The following TRPC5 variants were observed in gnomAD, a reference collection of about 807,000 sequenced individuals.
The protein encoded by TRPC5 is short transient receptor potential channel 5.
Under a neutral mutation model 56.5 loss-of-function variants are expected in TRPC5, and 9 were observed. The ratio of observed to expected loss-of-function variants is 0.16; its 90% CI spans 0.10 to 0.28. The LOEUF is 0.28. Among genes scored for constraint, TRPC5 ranks in the 10% least tolerant of loss-of-function variants. The probability of loss-of-function intolerance (pLI) is 1.00; values close to 1 mark genes in which losing one functional copy is unlikely to be tolerated. For synonymous variants in TRPC5, 282 were observed against 278.5 expected, an observed-to-expected ratio of 1.01 and a Z score of -0.13; for missense variants, 469 against 748.9, an observed-to-expected ratio of 0.63 and a Z score of 4.36.
At chrX:111,781,050 G>T in intron 9 of TRPC5, 115 bp downstream of exon 9, 1 of 734,613 alleles carries the variant, frequency 1.4e-6, no homozygotes. Flanking sequence ...GCCTTTCCAA[G>T]CCTCCTATCC....
intron 2 of TRPC5, among the ~76,000 whole-genome samples, chrX:111,930,105 C>T (rs1290387127): frequency 9.0e-6 from 1 of 111,146 alleles, no homozygotes; most frequent in Non-Finnish European, 1.9e-5. Flanking sequence ...TCATCAAACA[C>T]TACTCAACAC....
chrX:111,856,538 AAATAATAATAATAAT>A (rs750089190), intron 3 of TRPC5, among the ~76,000 whole-genome samples: 6 of 95,175 alleles, frequency 6.3e-5, no homozygotes, highest in Non-Finnish European at 1.2e-4. Flanking sequence ...GCCCTGTCTC[AAATAATAATAATAAT>A]AATAATAATA....
At chrX:112,071,863 A>C in intron 1 of TRPC5, among the ~76,000 whole-genome samples, 1 of 111,690 alleles carries the variant, frequency 9.0e-6, no homozygotes, top group Middle Eastern at 4.6e-3. Context: ...TGAATTGTCA[A>C]ATCCAATGGC....
intron 1 of TRPC5, among the ~76,000 whole-genome samples, chrX:112,017,288 C>T (rs757801735): frequency 8.9e-4 from 99 of 111,447 alleles, no homozygotes; most frequent in African/African-American, 3.1e-3. Flanking sequence ...GCTGGGATTA[C>T]AGGTGTGAGC....
At chrX:111,900,650 T>C (rs1925298745) in intron 3 of TRPC5, among the ~76,000 whole-genome samples, 1 of 111,449 alleles carries the variant, frequency 9.0e-6, no homozygotes, top group Non-Finnish European at 1.9e-5. Flanking sequence ...CCCTTTTCAG[T>C]TCAATTTAAG....
intron 6 of TRPC5, among the ~76,000 whole-genome samples, chrX:111,839,885 T>A (rs1922676132): frequency 9.0e-6 from 1 of 111,045 alleles, no homozygotes; most frequent in Admixed American, 9.6e-5. Flanking sequence ...CCCAGCTAAT[T>A]TTTTTCAAAA....
rs138566611 is a variant in TRPC5 at position 111,776,864 on chromosome X, G to A, written c.2371C>T (p.Arg791Trp). ...AAAGAGACACTCTTGGATTTGGCCCGAGCCCCACCACTGCCATCATTATTA... is the reference window on the plus strand; with the variant it reads ...AAAGAGACACTCTTGGATTTGGCCCAAGCCCCACCACTGCCATCATTATTA... ...DDNNDGSGGA[R>W]AKSKSVSFNL... is the part of the protein sequence containing the mutation. The change falls in exon 11 of 11, where the codon CGG (arginine) becomes TGG (tryptophan). Residue 791 changes from arginine (R) to tryptophan (W), a missense_variant. Physicochemically the swap from Arg to Trp is moderately radical, Grantham distance 101 (BLOSUM62 -3). This residue lies in a region of TRPC5 where 194 missense variants were observed against 221.8 expected (regional missense o/e 0.87). Transcript: ENST00000262839. 26 of 1,209,741 alleles carry A rather than the reference G, an allele frequency of 2.1e-5. No individual in the cohort carries two copies. Among genetic ancestry groups the A allele is most frequent in the Non-Finnish European group, 2.2e-5 (20 of 895,191 alleles).
intron 7 of TRPC5, among the ~76,000 whole-genome samples, chrX:111,794,568 GACTT>G (rs1946046163): frequency 8.9e-6 from 1 of 111,737 alleles, no homozygotes; most frequent in Non-Finnish European, 1.9e-5. Flanking sequence ...TTGTCAATGA[GACTT>G]AGTTTATTTG....
intron 1 of TRPC5, among the ~76,000 whole-genome samples, chrX:112,066,170 G>A (rs905291103): frequency 5.5e-5 from 6 of 108,256 alleles, no homozygotes; most frequent in Admixed American, 1.0e-4. Context: ...GACTTCTTCA[G>A]GCAGAACCAA....
At chrX:111,861,626 A>C (rs1923407847) in intron 3 of TRPC5, among the ~76,000 whole-genome samples, 1 of 111,768 alleles carries the variant, frequency 8.9e-6, no homozygotes, top group Non-Finnish European at 1.9e-5. Context: ...GTGACTTGAC[A>C]CTAAAAATAA....
At chrX:111,799,129 G>T (rs952353257) in intron 7 of TRPC5, among the ~76,000 whole-genome samples, 4 of 107,897 alleles carry the variant, frequency 3.7e-5, no homozygotes, top group African/African-American at 1.4e-4. Flanking sequence ...GTGGGCCCCA[G>T]GATTAAAGGC....
At chrX:111,969,947 T>C in intron 1 of TRPC5, among the ~76,000 whole-genome samples, 1 of 111,099 alleles carries the variant, frequency 9.0e-6, no homozygotes, top group Middle Eastern at 4.7e-3. Flanking sequence ...AGAATGGGAC[T>C]GTGTCATACG....
At chrX:111,812,568 C>T (rs1438450999) in intron 7 of TRPC5, among the ~76,000 whole-genome samples, 4 of 111,458 alleles carry the variant, frequency 3.6e-5, no homozygotes, top group South Asian at 3.8e-4. Flanking sequence ...TGAGCAACTC[C>T]CACATTGCAA....
At chrX:112,066,770 G>A (rs1210276259) in intron 1 of TRPC5, among the ~76,000 whole-genome samples, 2 of 112,399 alleles carry the variant, frequency 1.8e-5, no homozygotes, top group African/African-American at 6.5e-5. Flanking sequence ...TTAATAAAAT[G>A]AATTAAATAA....
Position 111,912,183 on chromosome X carries a change from ATTTG to A in TRPC5, c.900+104_900+107del. 4.2e-6 allele frequency: 4 copies of A among 950,791 alleles called. No individual in the cohort carries two copies. In the South Asian group the frequency reaches 1.0e-4, roughly 24 times the overall value. The allele number at this position is 950,791 out of a possible 1,213,427, so 78.4% of individuals were successfully genotyped here. ...GCCTAGCTGTGAGGCCTGCCCAACC[ATTTG>A]TTTGTTAGGGGGCTAAATGGTAGAA... On this transcript the variant is annotated intron_variant, in intron 3 of 10. Transcript: ENST00000262839.
intron 2 of TRPC5, among the ~76,000 whole-genome samples, chrX:111,943,873 T>C (rs1307793840): frequency 1.8e-5 from 2 of 112,309 alleles, no homozygotes; most frequent in Admixed American, 9.4e-5. Flanking sequence ...ACTCCACTGG[T>C]GGTGCCTTGT....
At chrX:111,810,752 A>G (rs2148565211) in intron 7 of TRPC5, among the ~76,000 whole-genome samples, 1 of 111,801 alleles carries the variant, frequency 8.9e-6, no homozygotes, top group South Asian at 3.7e-4. Context: ...GAAGAAAGGC[A>G]TTTTTAATAA....
At chrX:111,858,296 A>T (rs1923297834) in intron 3 of TRPC5, among the ~76,000 whole-genome samples, 1 of 111,368 alleles carries the variant, frequency 9.0e-6, no homozygotes, top group Admixed American at 9.6e-5. Context: ...CAGAGTGCGT[A>T]CCCACTAGAT....
intron 2 of TRPC5, among the ~76,000 whole-genome samples, chrX:111,916,742 A>G (rs1925987530): frequency 8.9e-6 from 1 of 112,378 alleles, no homozygotes; most frequent in African/African-American, 3.2e-5. Context: ...AATTTTTGAA[A>G]AGAAGCCGGA....
Sources: gnomAD v4.1 joint callset for allele counts (sites outside exome capture counted in the v4.1 genomes callset) on GRCh38, gnomAD v4.1.1 for gene constraint, gnomAD v4.1.1 regional missense constraint, MANE v1.5 for transcripts, NCBI Gene and HGNC (gene_info 2026-07-23, HGNC 2026-07-21) for gene names.